Variants in CYP20A1 observed in about 807,000 individuals in gnomAD.
CYP20A1 encodes the protein cytochrome P450 family 20 subfamily A member 1.
A neutral mutation model predicts 61.4 loss-of-function variants in CYP20A1; 61 were observed. The observed-to-expected ratio is 0.99, with a 90% confidence interval of 0.81 to 1.23. CYP20A1 has a LOEUF of 1.23. Among genes scored for constraint, CYP20A1 ranks in the 50% most tolerant of loss-of-function variants. The pLI is 0.00. For missense variants in CYP20A1, 530 were observed against 542.4 expected (o/e 0.98, Z 0.23); for synonymous variants, 193 against 188.2 (o/e 1.03, Z -0.21).
chr2:203,246,082 G>A (rs573391351), intron 2 of CYP20A1, among the ~76,000 whole-genome samples, 187 bp downstream of exon 2: 1 of 152,114 alleles, frequency 6.6e-6, no homozygotes, highest in Admixed American at 6.6e-5. Flanking sequence ...CTCCAGCCTA[G>A]GCGACAGAGC....
chr2:203,273,340 G>A (rs1377210155), intron 6 of CYP20A1, among the ~76,000 whole-genome samples: 2 of 152,116 alleles, frequency 1.3e-5, no homozygotes, highest in African/African-American at 4.8e-5. Context: ...GTTTAATAAT[G>A]CATACTAAGA....
At chr2:203,283,066 C>T (rs1317853903) in intron 8 of CYP20A1, among the ~76,000 whole-genome samples, 4 of 151,840 alleles carry the variant, frequency 2.6e-5, no homozygotes, top group Admixed American at 6.6e-5. Flanking sequence ...GTCCCAGCTA[C>T]TTGGGAAGCT....
chr2:203,248,798 C>T (rs2066554650), intron 3 of CYP20A1, among the ~76,000 whole-genome samples: 1 of 152,172 alleles, frequency 6.6e-6, no homozygotes, highest in African/African-American at 2.4e-5. Flanking sequence ...TAACCTACAA[C>T]TCCTGGGCTC....
chr2:203,271,946 G>A (rs1219835530), intron 5 of CYP20A1, among the ~76,000 whole-genome samples: 2 of 152,094 alleles, frequency 1.3e-5, no homozygotes, highest in Non-Finnish European at 2.9e-5. Context: ...AGAATTGCCT[G>A]AACTCGGGAG....
chr2:203,289,707 G>A, intron 9 of CYP20A1, 58 bp from the exon 10 acceptor site: 1 of 880,142 alleles, frequency 1.1e-6, no homozygotes, highest in East Asian at 2.6e-5. Context: ...TTAAATGTAT[G>A]TACATTTCTA....
At chr2:203,240,273 C>G (rs1048272245) in intron 1 of CYP20A1, among the ~76,000 whole-genome samples, 1 of 152,188 alleles carries the variant, frequency 6.6e-6, no homozygotes, top group African/African-American at 2.4e-5. Flanking sequence ...TCAGGGACTT[C>G]CTGAAATCTT....
chr2:203,299,205 A>C lies in CYP20A1; in HGVS notation c.*2297A>C, dbSNP rs2068928529. Among the ~76,000 whole-genome samples, 2 of 152,168 alleles carry C rather than the reference A, an allele frequency of 1.3e-5. No homozygotes were observed. Among genetic ancestry groups the C allele is most frequent in the South Asian group, 4.1e-4 (2 of 4,824 alleles). ...AGACAGCCACTGTAGGAAATATGCC[A>C]AGTACAGATAGTGAGGAAAGAAAGG... is the stretch of plus-strand genomic sequence containing the variant. On this transcript the variant is annotated 3_prime_UTR_variant, in exon 13 of 13. Coordinates refer to ENST00000356079, the MANE Select transcript of CYP20A1 (RefSeq NM_177538.3).
chr2:203,274,188 ATT>A (rs780141331), intron 6 of CYP20A1, among the ~76,000 whole-genome samples: 5 of 142,498 alleles, frequency 3.5e-5, no homozygotes, highest in African/African-American at 5.1e-5. Context: ...TTTTAAAATA[ATT>A]TTTTTTTTTT....
At chr2:203,259,961 CTG>C (rs1486327965) in intron 4 of CYP20A1, 1 of 150,878 alleles carries the variant, frequency 6.6e-6, no homozygotes, top group Non-Finnish European at 1.5e-5. Flanking sequence ...GAGTCTCACT[CTG>C]TCATCCAGGC....
chr2:203,240,523 G>A (rs1317086856), intron 1 of CYP20A1, among the ~76,000 whole-genome samples: 1 of 152,228 alleles, frequency 6.6e-6, no homozygotes, highest in Non-Finnish European at 1.5e-5. Flanking sequence ...ACATAGGATT[G>A]TGGGTAGAAA....
chr2:203,284,691 AGGTTATAGCATCAGCCATCTCCCAGGT>A (rs2068191483), intron 8 of CYP20A1, among the ~76,000 whole-genome samples: 1 of 142,286 alleles, frequency 7.0e-6, no homozygotes, highest in African/African-American at 2.6e-5. Flanking sequence ...TGTGAATGTG[AGGTTATAGCATCAGCCATCTCCCAGGT>A]GGTTTTTGAG....
At chr2:203,269,042 G>A (rs1179750896) in intron 5 of CYP20A1, among the ~76,000 whole-genome samples, 1 of 152,166 alleles carries the variant, frequency 6.6e-6, no homozygotes, top group Non-Finnish European at 1.5e-5. Flanking sequence ...CATATTGTAT[G>A]TCCTAACTGC....
At chr2:203,243,000 A>G (rs1162137995) in intron 1 of CYP20A1, among the ~76,000 whole-genome samples, 1 of 152,222 alleles carries the variant, frequency 6.6e-6, no homozygotes, top group Non-Finnish European at 1.5e-5. Context: ...GAACACAGCC[A>G]TACTGACTAG....
At chr2:203,274,571 G>T (rs1277174855) in intron 6 of CYP20A1, among the ~76,000 whole-genome samples, 1 of 152,074 alleles carries the variant, frequency 6.6e-6, no homozygotes, top group Non-Finnish European at 1.5e-5. Flanking sequence ...TAGAATACTG[G>T]ATTGTTTTCT....
At position 203,298,533 on chromosome 2, in the gene CYP20A1, CAAAAAAA is replaced by C. The variant is rs76767556; in HGVS notation, c.*1637_*1643del. ...TGAAACCCCGTCTCTACTAAAAATACAAAAAAAAAAAAAAAAAATTAGCCAGATGTGG... is the reference window on the plus strand; with the variant it reads ...TGAAACCCCGTCTCTACTAAAAATACAAAAAAAAAAATTAGCCAGATGTGG... On this transcript the variant is annotated 3_prime_UTR_variant, in exon 13 of 13. Coordinates refer to ENST00000356079, the MANE Select transcript of CYP20A1 (RefSeq NM_177538.3). 1.6e-5 allele frequency among the ~76,000 whole-genome samples: 2 copies of C among 124,504 alleles called. No individual in the cohort carries two copies. The highest frequency in any genetic ancestry group is 2.7e-4 in the South Asian group (1 of 3,762). 81.7% of individuals were successfully genotyped at this position (124,504 alleles called of 152,430 possible). A position where few individuals can be genotyped will look rare whatever the true frequency, so the allele number is the denominator to read the frequency against.
At chr2:203,266,007 C>G (rs1389215207) in intron 4 of CYP20A1, among the ~76,000 whole-genome samples, 1 of 151,998 alleles carries the variant, frequency 6.6e-6, no homozygotes, top group South Asian at 2.1e-4. Flanking sequence ...TGTTTGTAAT[C>G]TTTTTACTAG....
Position 203,246,774 on chromosome 2 carries a change from A to ATT in CYP20A1, c.143_144dup (p.Val49LeufsTer2). 2 of 1,613,968 alleles carry ATT rather than the reference A, an allele frequency of 1.2e-6. No individual in the cohort carries two copies. The highest frequency in any genetic ancestry group is 1.7e-6 in the Non-Finnish European group (2 of 1,179,962). ...TGCCAGAGATGGTAATCTTCCAGATATTGTGAATAGTGGAAGTTTGCATGA... is the reference window on the plus strand; with the variant it reads ...TGCCAGAGATGGTAATCTTCCAGATATTTTGTGAATAGTGGAAGTTTGCATGA... On this transcript the variant is annotated frameshift_variant, in exon 3 of 13. Transcript: ENST00000356079. LOFTEE classifies it high-confidence loss of function.
chr2:203,266,783 C>T, intron 5 of CYP20A1, 102 bp downstream of exon 5: 1 of 904,476 alleles, frequency 1.1e-6, no homozygotes. Context: ...GAGTTAAAGA[C>T]CAGCCTGCCC....
At position 203,246,738 on chromosome 2, in the gene CYP20A1, T is replaced by C; in HGVS notation, c.123-17T>C. On this transcript the variant is annotated splice_polypyrimidine_tract_variant and intron_variant, in intron 2 of 12. Coordinates refer to ENST00000356079, the MANE Select transcript of CYP20A1 (RefSeq NM_177538.3). ...AAATTAAATTGATTATTTTGTCAAA[T>C]GTTGCTCTTTTGCCAGAGATGGTAA... The C allele has an allele frequency of 6.2e-7, 1 of 1,607,904 alleles. No individual in the cohort carries two copies. The highest frequency in any genetic ancestry group is 8.5e-7 in the Non-Finnish European group (1 of 1,177,738).
Sources: allele counts gnomAD v4.1 joint callset (sites outside exome capture counted in the v4.1 genomes callset), GRCh38; gene constraint gnomAD v4.1.1; transcripts MANE v1.5; gene names NCBI Gene and HGNC (gene_info 2026-07-23, HGNC 2026-07-21).